Variants in ZNF433 observed in about 807,000 individuals in gnomAD.
ZNF433 encodes the protein zinc finger protein 433.
Under a neutral mutation model 10.6 loss-of-function variants are expected in ZNF433, and 12 were observed. The observed-to-expected ratio is 1.13, with a 90% CI of 0.72 to 1.83. The LOEUF is 1.83. Among genes scored for constraint, ZNF433 ranks in the 40% most tolerant of loss-of-function variants. The probability of loss-of-function intolerance (pLI) is 0.00; values close to 1 mark genes in which losing one functional copy is unlikely to be tolerated. For missense variants in ZNF433, 737 were observed against 798.0 expected (o/e 0.92, Z 0.92); for synonymous variants, 272 against 271.3 (o/e 1.00, Z -0.02).
At chr19:12,026,061 G>A (rs1974718991) in intron 1 of ZNF433, 1 of 152,584 alleles carries the variant, frequency 6.6e-6, no homozygotes, top group Admixed American at 6.5e-5. Context: ...ATCAGCAGCT[G>A]AACAATATCT....
chr19:12,025,726 CAGG>C (rs1974701092), intron 1 of ZNF433: 1 of 152,214 alleles, frequency 6.6e-6, no homozygotes, highest in Non-Finnish European at 1.5e-5. Flanking sequence ...ACATGCCAAA[CAGG>C]AGAGTCTTCT....
chr19:12,017,097 ATTGT>A (rs1974246161), intron 3 of ZNF433, among the ~76,000 whole-genome samples: 1 of 152,002 alleles, frequency 6.6e-6, no homozygotes, highest in Non-Finnish European at 1.5e-5. Flanking sequence ...CCCTGTCTGA[ATTGT>A]TTGAATATGA....
rs189458355 is a variant in ZNF433, at chr19:12,015,436, C to T, written c.1422G>A (p.Pro474=). Residue 474 remains proline, a synonymous_variant, in exon 4 of 4, where the codon CCG becomes CCA. Coordinates refer to ENST00000550507, the MANE Select transcript of ZNF433 (RefSeq NM_001308348.2). The part of the protein sequence containing the change: ...IHERMHREEK[P]YECKGYGKTF... ...TTTTCCCATAACCCTTACATTCATA[C>T]GGCTTCTCTTCTCTGTGCATCCTTT... is the stretch of plus-strand genomic sequence containing the variant. 4.9e-4 allele frequency: 795 copies of T among 1,613,926 alleles called. No individual in the cohort carries two copies. The highest frequency in any genetic ancestry group is 2.2e-3 in the Admixed American group (132 of 59,994).
Position 12,034,455 on chromosome 19 carries a change from C to T in ZNF433, c.3+1082G>A, listed in dbSNP as rs966367245. 6 of 197,780 alleles carry T rather than the reference C, an allele frequency of 3.0e-5. No individual in the cohort carries two copies. The South Asian group carries it at 5.6e-4, about 18-fold the overall frequency. The allele number at this position is 197,780 out of a possible 1,614,324, so 12.3% of individuals were successfully genotyped here. A position where few individuals can be genotyped will look rare whatever the true frequency, so the allele number is the denominator to read the frequency against. On this transcript the variant is annotated intron_variant, in intron 1 of 3. Transcript: ENST00000550507. The stretch of plus-strand genomic sequence containing the variant: ...ATACCTGGACAGGCCTCATTATACC[C>T]GCTTCCTTTAGGAGTTTCCACATAG...
chr19:12,022,178 T>C (rs1599361295), intron 1 of ZNF433: 6 of 379,478 alleles, frequency 1.6e-5, no homozygotes, highest in East Asian at 7.4e-5. Context: ...AGAAAACCAC[T>C]TAAAGGTGTT....
Position 12,017,922 on chromosome 19 carries a change from G to T in ZNF433, c.145C>A (p.Pro49Thr). The T allele has an allele frequency of 6.3e-7, 1 of 1,584,740 alleles. No homozygotes were observed. Among genetic ancestry groups the T allele is most frequent in the Non-Finnish European group, 8.5e-7 (1 of 1,171,636 alleles). ...NLASIGKKWK[P>T]QNIYVEYENL... ...TCGTACTCTACATATATGTTCTGGGGTTTCCATTTTTTCCCTACAACACAC... is the reference window on the plus strand; with the variant it reads ...TCGTACTCTACATATATGTTCTGGGTTTTCCATTTTTTCCCTACAACACAC... The change falls in exon 3 of 4, where the codon CCC (proline) becomes ACC (threonine). Residue 49 changes from proline to threonine, a missense_variant. Coordinates refer to ENST00000550507, the MANE Select transcript of ZNF433 (RefSeq NM_001308348.2).
Position 12,020,371 on chromosome 19 carries a change from G to A in ZNF433, c.4-2079C>T, listed in dbSNP as rs1974426623. On this transcript the variant is annotated intron_variant, in intron 1 of 3. Transcript: ENST00000550507. ...TATGAAGTGGTGCTCAACATCAGGA[G>A]TCAACAGGCATAAGTATTTTACACA... Among the ~76,000 whole-genome samples the A allele has an allele frequency of 1.3e-5, 2 of 152,120 alleles. 1 individual carries two copies. The highest frequency in any genetic ancestry group is 4.1e-4 in the South Asian group (2 of 4,822).
intron 3 of ZNF433, among the ~76,000 whole-genome samples, chr19:12,017,198 T>G (rs904324626): frequency 2.0e-5 from 3 of 151,974 alleles, no homozygotes; most frequent in South Asian, 2.1e-4. Flanking sequence ...TTTTTGGTTT[T>G]TTTTGTTTTG....
chr19:12,020,666 C>T (rs1359356317), intron 1 of ZNF433, among the ~76,000 whole-genome samples: 1 of 151,920 alleles, frequency 6.6e-6, no homozygotes, highest in African/African-American at 2.4e-5. Context: ...CCTGTAATCC[C>T]AGCACTTTGG....
At chr19:12,018,362 C>T in intron 1 of ZNF433, 70 bp from the exon 2 acceptor site, 1 of 1,516,168 alleles carries the variant, frequency 6.6e-7, no homozygotes, top group Non-Finnish European at 8.8e-7. Context: ...TACTCTATTC[C>T]CAAGAGGTTT....
intron 1 of ZNF433, among the ~76,000 whole-genome samples, chr19:12,030,423 T>C (rs1283080144): frequency 6.6e-6 from 1 of 152,014 alleles, no homozygotes; most frequent in African/African-American, 2.4e-5. Context: ...GCTTTCACCA[T>C]GTTGGCCAGG....
intron 3 of ZNF433, among the ~76,000 whole-genome samples, 183 bp downstream of exon 3, chr19:12,017,693 A>T (rs1337216418): frequency 6.6e-6 from 1 of 152,122 alleles, no homozygotes; most frequent in African/African-American, 2.4e-5. Flanking sequence ...GGGCTGAAAT[A>T]TAGTCCTGGG....
intron 1 of ZNF433, among the ~76,000 whole-genome samples, chr19:12,027,660 G>A (rs1369854929): frequency 2.0e-5 from 3 of 152,190 alleles, no homozygotes. Flanking sequence ...CTGGCTTGCT[G>A]TCAATAAATG....
chr19:12,026,713 T>A, intron 1 of ZNF433: 1 of 454,146 alleles, frequency 2.2e-6, no homozygotes, highest in Non-Finnish European at 4.4e-6. Flanking sequence ...TTTGGGAAGA[T>A]TGCATTGCAG....
chr19:12,018,662 G>GA (rs113463720), intron 1 of ZNF433: 112 of 161,988 alleles, frequency 6.9e-4, no homozygotes, highest in Middle Eastern at 2.8e-3. Context: ...GCATATCCTT[G>GA]AAAAAAAAAT....
At position 12,016,137 on chromosome 19, in the gene ZNF433, G is replaced by T; in HGVS notation, c.721C>A (p.His241Asn). Residue 241 changes from histidine to asparagine, a missense_variant, in exon 4 of 4, where the codon CAT (histidine) becomes AAT (asparagine). His to Asn is a moderately conservative substitution (Grantham distance 68). Coordinates refer to ENST00000550507, the MANE Select transcript of ZNF433 (RefSeq NM_001308348.2). Reference protein sequence around the residue: ...AFSHSSSLRIHERTHTGEKPY... With the variant: ...AFSHSSSLRINERTHTGEKPY... ...TTCTCCCCAGTGTGAGTTCTTTCAT[G>T]TATTCGAAGGCTACTAGAATGACTA... is the stretch of plus-strand genomic sequence containing the variant. 3 of 1,614,140 alleles carry T rather than the reference G, an allele frequency of 1.9e-6. No individual in the cohort carries two copies. The highest frequency in any genetic ancestry group is 2.5e-6 in the Non-Finnish European group (3 of 1,180,020).
In ZNF433 at chr19:12,016,134, C is replaced by G. The variant is rs781273954; in HGVS notation, c.724G>C (p.Glu242Gln). 8.7e-6 allele frequency: 14 copies of G among 1,614,002 alleles called. No homozygotes were observed. The East Asian group carries it at 2.9e-4, about 33-fold the overall frequency. ...FSHSSSLRIHERTHTGEKPYK... is the reference protein window; with the variant it reads ...FSHSSSLRIHQRTHTGEKPYK... Reference sequence around the variant, plus strand: ...GGCTTCTCCCCAGTGTGAGTTCTTTCATGTATTCGAAGGCTACTAGAATGA... The same window carrying G: ...GGCTTCTCCCCAGTGTGAGTTCTTTGATGTATTCGAAGGCTACTAGAATGA... The change falls in exon 4 of 4, where the codon GAA becomes CAA. Residue 242 changes from glutamate to glutamine, a missense_variant. Coordinates refer to ENST00000550507, the MANE Select transcript of ZNF433 (RefSeq NM_001308348.2).
chr19:12,032,115 T>C (rs1434683106), intron 1 of ZNF433, among the ~76,000 whole-genome samples: 1 of 151,848 alleles, frequency 6.6e-6, no homozygotes, highest in East Asian at 1.9e-4. Context: ...TTTTTTTGTA[T>C]TTTTAGTAGA....
intron 1 of ZNF433, chr19:12,034,516 C>A: frequency 4.0e-6 from 1 of 250,770 alleles, no homozygotes; most frequent in Non-Finnish European, 8.0e-6. Context: ...CAGACATCAG[C>A]CAACTGGAAA....
Sources: allele counts gnomAD v4.1 joint callset (sites outside exome capture counted in the v4.1 genomes callset), GRCh38; gene constraint gnomAD v4.1.1; transcripts MANE v1.5; gene names NCBI Gene and HGNC (gene_info 2026-07-23, HGNC 2026-07-21).